Variants in ZPLD1 observed in about 807,000 individuals in gnomAD.
ZPLD1 encodes the protein zona pellucida like domain containing 1.
A neutral mutation model predicts 47.2 loss-of-function variants in ZPLD1; 34 were observed. The ratio of observed to expected loss-of-function variants is 0.72; its 90% confidence interval spans 0.55 to 0.96. The LOEUF is 0.96. Among genes scored for constraint, ZPLD1 ranks in the 40% least tolerant of loss-of-function variants. The pLI is 0.00. For missense variants in ZPLD1, 512 were observed against 505.8 expected (o/e 1.01, Z -0.12); for synonymous variants, 176 against 186.2 (o/e 0.95, Z 0.45).
chr3:102,439,916 G>A (rs1480074166), intron 3 of ZPLD1, among the ~76,000 whole-genome samples: 1 of 152,096 alleles, frequency 6.6e-6, no homozygotes, highest in Non-Finnish European at 1.5e-5. Flanking sequence ...TTTTATAACA[G>A]TTCTCCTCTG....
chr3:102,454,121 G>A (rs1707377569), intron 4 of ZPLD1, among the ~76,000 whole-genome samples: 1 of 152,166 alleles, frequency 6.6e-6, no homozygotes, highest in African/African-American at 2.4e-5. Flanking sequence ...TCCAAGGCCA[G>A]GGTTTCTGAG....
At chr3:102,437,977 G>C (rs1392235544) in intron 2 of ZPLD1, among the ~76,000 whole-genome samples, 3 of 152,106 alleles carry the variant, frequency 2.0e-5, no homozygotes, top group Admixed American at 2.0e-4. Context: ...CTTCTGTTGG[G>C]GGAGACTTTT....
rs530223609 is a variant in ZPLD1 at position 102,437,589 on chromosome 3, G to T, written c.-9+616G>T. Among the ~76,000 whole-genome samples, 8 of 152,248 alleles carry T rather than the reference G, an allele frequency of 5.3e-5. No homozygotes were observed. In the East Asian group the frequency reaches 1.5e-3, roughly 29 times the overall value. ...ACCAACCCAAAAGATTCTTTTCAGT[G>T]TACAAACTATGCTCTGAGAATAAGT... is the stretch of plus-strand genomic sequence containing the variant. On this transcript the variant is annotated intron_variant, in intron 2 of 11. Transcript: ENST00000466937.
chr3:102,459,089 CAAAAAA>C (rs767071660), intron 6 of ZPLD1, among the ~76,000 whole-genome samples: 12 of 25,850 alleles, frequency 4.6e-4, no homozygotes, highest in Admixed American at 1.4e-3. Flanking sequence ...GACTCCGTCT[CAAAAAA>C]AAAAAAAAAA....
At chr3:102,449,663 C>A (rs901003723) in intron 3 of ZPLD1, among the ~76,000 whole-genome samples, 4 of 152,088 alleles carry the variant, frequency 2.6e-5, no homozygotes, top group African/African-American at 9.7e-5. Context: ...TTCAAGTAAT[C>A]CTGATTTTAC....
chr3:102,419,807 G>A (rs1488778714), intron 8 of ZPLD1, among the ~76,000 whole-genome samples: 1 of 151,444 alleles, frequency 6.6e-6, no homozygotes, highest in African/African-American at 2.4e-5. Flanking sequence ...TTCATGAGTA[G>A]AGAATGATAA....
intron 2 of ZPLD1, among the ~76,000 whole-genome samples, chr3:102,437,752 T>C (rs1026897792): frequency 2.0e-5 from 3 of 152,232 alleles, no homozygotes; most frequent in Non-Finnish European, 2.9e-5. Flanking sequence ...CACTGATACA[T>C]TTAAAAAAAT....
upstream of ZPLD1, among the ~76,000 whole-genome samples, chr3:102,433,750 C>T (rs528345927): frequency 1.8e-4 from 28 of 152,150 alleles, no homozygotes; most frequent in South Asian, 1.5e-3. Context: ...AGGATGGTCT[C>T]GATCTCCTGA....
chr3:102,427,138 A>C (rs566496786), intron 8 of ZPLD1, among the ~76,000 whole-genome samples: 1 of 152,342 alleles, frequency 6.6e-6, no homozygotes, highest in East Asian at 1.9e-4. Flanking sequence ...AAGTACTATT[A>C]TAAATTACCA....
At chr3:102,443,407 C>T (rs1707210798) in intron 3 of ZPLD1, among the ~76,000 whole-genome samples, 1 of 152,132 alleles carries the variant, frequency 6.6e-6, no homozygotes, top group African/African-American at 2.4e-5. Flanking sequence ...TGAGGATATA[C>T]ATTTGTTAAA....
rs776042081 is a variant in ZPLD1 at position 102,470,467 on chromosome 3, C to T, written c.1007C>T (p.Ala336Val). ...AGCCCCCAGAGCTCTTCTGGCAGCG[C>T]GGTGCTCTCTGCTGGTCCCATCATT... The part of the protein sequence containing the change: ...TWSPQSSSGS[A>V]VLSAGPIITR... The change falls in exon 10 of 12, where the codon GCG (alanine) becomes GTG (valine). Residue 336 changes from alanine to valine, a missense_variant. Transcript: ENST00000466937. The T allele has an allele frequency of 6.2e-6, 10 of 1,613,980 alleles. No individual in the cohort carries two copies. Among genetic ancestry groups the T allele is most frequent in the East Asian group, 2.2e-5 (1 of 44,880 alleles).
chr3:102,390,767 G>A lies in ZPLD1; in HGVS notation c.-212-1403G>A, dbSNP rs556348686. On this transcript the variant is annotated intron_variant, in intron 6 of 17. Coordinates refer to the ZPLD1 transcript ENST00000491959. ...ACAGCCTGTCTTTTCCTTGCCACAC[G>A]TTGCTTAACTGGCCACTCATAGCCA... Among the ~76,000 whole-genome samples, 18 of 152,278 alleles carry A rather than the reference G, an allele frequency of 1.2e-4. No homozygotes were observed. The East Asian group carries it at 2.9e-3, about 24-fold the overall frequency.
intron 6 of ZPLD1, among the ~76,000 whole-genome samples, chr3:102,458,212 G>A (rs1486545395): frequency 6.6e-6 from 1 of 152,034 alleles, no homozygotes; most frequent in African/African-American, 2.4e-5. Context: ...TTTTATGTGT[G>A]ATACAAAGAT....
At chr3:102,409,516 A>T (rs1706727263) in intron 7 of ZPLD1, among the ~76,000 whole-genome samples, 2 of 151,976 alleles carry the variant, frequency 1.3e-5, no homozygotes, top group Non-Finnish European at 1.5e-5. Context: ...ATACAAAATA[A>T]AATTATGTTA....
chr3:102,391,205 T>C (rs1706491147), intron 6 of ZPLD1, among the ~76,000 whole-genome samples: 1 of 152,180 alleles, frequency 6.6e-6, no homozygotes, highest in Admixed American at 6.5e-5. Flanking sequence ...TGCAGAAAGT[T>C]TTATGAAGTA....
Position 102,435,045 on chromosome 3 carries a change from A to G in ZPLD1, c.-232A>G, listed in dbSNP as rs980241647. On this transcript the variant is annotated 5_prime_UTR_variant, in exon 1 of 12. Coordinates refer to ENST00000466937, the MANE Select transcript of ZPLD1 (RefSeq NM_001329788.2). ...GGTGTTAACATAATCCCCCAATCCC[A>G]TACAATTCAATTTCAGAAAAGTATT... 2 of 1,556,914 alleles carry G rather than the reference A, an allele frequency of 1.3e-6. No homozygotes were observed. Among genetic ancestry groups the G allele is most frequent in the Non-Finnish European group, 1.8e-6 (2 of 1,128,414 alleles).
At chr3:102,448,182 T>C (rs185873561) in intron 3 of ZPLD1, among the ~76,000 whole-genome samples, 84 of 152,336 alleles carry the variant, frequency 5.5e-4, no homozygotes, top group African/African-American at 1.9e-3. Context: ...GGGAAAAACA[T>C]TGCTGTTTTG....
At chr3:102,464,284 A>G (rs1444754669) in intron 8 of ZPLD1, 33 bp downstream of exon 8, 1 of 1,397,196 alleles carries the variant, frequency 7.2e-7, no homozygotes, top group South Asian at 1.2e-5. Context: ...TTATATTGAT[A>G]CCAATGACCC....
intron 7 of ZPLD1, among the ~76,000 whole-genome samples, chr3:102,463,324 T>C (rs1707538859): frequency 6.6e-6 from 1 of 152,204 alleles, no homozygotes; most frequent in Non-Finnish European, 1.5e-5. Context: ...TGCTCTAAAC[T>C]CCTTTGTTGT....
Sources: gnomAD v4.1 joint callset for allele counts (sites outside exome capture counted in the v4.1 genomes callset) on GRCh38, gnomAD v4.1.1 for gene constraint, MANE v1.5 for transcripts, NCBI Gene and HGNC (gene_info 2026-07-23, HGNC 2026-07-21) for gene names.